PTPRD: variants seen among roughly 807,000 people sequenced by gnomAD.
The protein encoded by PTPRD is receptor-type tyrosine-protein phosphatase delta.
In PTPRD, 34 loss-of-function variants were observed where a neutral mutation model predicts 214.5. The ratio of observed to expected loss-of-function variants is 0.16; its 90% CI spans 0.12 to 0.21. PTPRD has a LOEUF of 0.21. Ranked by LOEUF, PTPRD falls within the 10% of genes least tolerant of loss-of-function variation. The probability of loss-of-function intolerance (pLI) is 1.00; values close to 1 mark genes in which losing one functional copy is unlikely to be tolerated. For synonymous variants in PTPRD, 1,128 were observed against 845.7 expected, an observed-to-expected ratio of 1.33 and a Z score of -5.79; for missense variants, 2,545 against 2,398.7, an observed-to-expected ratio of 1.06 and a Z score of -1.27.
chr9:8,682,335 G>A (rs66918943), intron 12 of PTPRD, among the ~76,000 whole-genome samples: 2,839 of 152,168 alleles, frequency 0.019, 33 homozygotes, highest in African/African-American at 0.03. Flanking sequence ...AACAACAGGA[G>A]TTCCCAGGGA....
chr9:8,330,057 GTGCAGTATCTGGGCCA>G (rs1203091046), intron 44 of PTPRD, among the ~76,000 whole-genome samples: 3 of 152,164 alleles, frequency 2.0e-5, no homozygotes, highest in Non-Finnish European at 4.4e-5. Flanking sequence ...TGCGGGAGAA[GTGCAGTATCTGGGCCA>G]GAGTGTACTG....
At position 9,989,070 on chromosome 9, in the gene PTPRD, C is replaced by CAAAG. The variant is rs1208923559; in HGVS notation, c.-472+44644_-472+44647dup. ...ACCACAGACTTTACACAGTTGCACC[C>CAAAG]AAAGAGTTGCTCTGGGGAGGAGTTA... On this transcript the variant is annotated intron_variant, in intron 4 of 45. Transcript: ENST00000381196. Among the ~76,000 whole-genome samples the CAAAG allele has an allele frequency of 2.1e-5, 3 of 145,968 alleles. No individual in the cohort carries two copies. In the East Asian group the frequency reaches 5.9e-4, roughly 29 times the overall value.
intron 9 of PTPRD, among the ~76,000 whole-genome samples, chr9:9,195,459 C>T (rs1300077646): frequency 6.6e-6 from 1 of 151,962 alleles, no homozygotes; most frequent in Non-Finnish European, 1.5e-5. Flanking sequence ...CGTAGTAAGC[C>T]AATGGGAAGA....
chr9:10,192,337 C>A (rs1188951487), intron 3 of PTPRD, among the ~76,000 whole-genome samples: 5 of 150,428 alleles, frequency 3.3e-5, no homozygotes, highest in Non-Finnish European at 1.5e-5. Flanking sequence ...TTGCCACACA[C>A]TTGGTAGCTT....
At chr9:10,599,042 A>G (rs1567144725) in intron 2 of PTPRD, among the ~76,000 whole-genome samples, 1 of 151,700 alleles carries the variant, frequency 6.6e-6, no homozygotes. Flanking sequence ...GCAACTGGGT[A>G]TGACCACTTA....
At chr9:10,020,426 C>G (rs562032479) in intron 4 of PTPRD, among the ~76,000 whole-genome samples, 2 of 143,876 alleles carry the variant, frequency 1.4e-5, no homozygotes, top group Non-Finnish European at 3.0e-5. Flanking sequence ...CTCAGCCTCC[C>G]GAGTAGCTGG....
intron 8 of PTPRD, among the ~76,000 whole-genome samples, chr9:9,502,350 T>A (rs1465192954): frequency 6.6e-6 from 1 of 151,894 alleles, no homozygotes; most frequent in Non-Finnish European, 1.5e-5. Flanking sequence ...ATTCTTCATA[T>A]AAGTGGGATC....
At position 9,520,264 on chromosome 9, in the gene PTPRD, G is replaced by GTT. The variant is rs202027876; in HGVS notation, c.-237+54466_-237+54467dup. ...TAAATGTAAAAATAGACTCCTAAAA[G>GTT]TTATATATATATATATATTAAGTTA... is the stretch of plus-strand genomic sequence containing the variant. On this transcript the variant is annotated intron_variant, in intron 8 of 45. Coordinates refer to ENST00000381196, the MANE Select transcript of PTPRD (RefSeq NM_002839.4). 7.1e-3 allele frequency among the ~76,000 whole-genome samples: 1,024 copies of GTT among 144,670 alleles called. 16 individuals are homozygous for GTT. Among genetic ancestry groups the GTT allele is most frequent in the African/African-American group, 0.024 (955 of 39,442 alleles). The allele number at this position is 144,670 out of a possible 152,430, so 94.9% of individuals were successfully genotyped here. A position where few individuals can be genotyped will look rare whatever the true frequency, so the allele number is the denominator to read the frequency against.
chr9:10,583,892 T>G (rs1017490977), intron 2 of PTPRD, among the ~76,000 whole-genome samples: 1 of 152,170 alleles, frequency 6.6e-6, no homozygotes, highest in Admixed American at 6.5e-5. Context: ...AGCACTGAGT[T>G]AATGTCTAGA....
intron 10 of PTPRD, among the ~76,000 whole-genome samples, chr9:9,031,340 G>C (rs2099604756): frequency 6.6e-6 from 1 of 151,986 alleles, no homozygotes; most frequent in Admixed American, 6.6e-5. Context: ...AGGCAATTCT[G>C]TTGTTGTGTG....
chr9:10,329,817 T>C (rs1471611351), intron 3 of PTPRD, among the ~76,000 whole-genome samples: 1 of 151,856 alleles, frequency 6.6e-6, no homozygotes. Flanking sequence ...AATGTGATAT[T>C]GTATACATGT....
chr9:8,419,044 C>G (rs532351210), intron 35 of PTPRD, among the ~76,000 whole-genome samples: 23 of 151,830 alleles, frequency 1.5e-4, no homozygotes, highest in African/African-American at 5.6e-4. Context: ...CATAGTGAGA[C>G]ATCGTTTCTA....
In PTPRD at chr9:8,319,959, C is replaced by G. The variant is rs745582718; in HGVS notation, c.5542G>C (p.Val1848Leu). The G allele has an allele frequency of 6.2e-7, 1 of 1,611,544 alleles. No individual in the cohort carries two copies. The highest frequency in any genetic ancestry group is 8.5e-7 in the Non-Finnish European group (1 of 1,178,904). Reference protein sequence around the residue: ...GPISVHCSAGVGRTGVFITLS... With the variant: ...GPISVHCSAGLGRTGVFITLS... ...GTTATGAAGACTCCAGTTCTTCCAA[C>G]GCCCGCGCTGCCACAATAACAAAGG... The change falls in exon 45 of 46, where the codon GTT becomes CTT. Residue 1848 changes from valine (V) to leucine (L), a missense_variant. Val to Leu is a conservative substitution (Grantham distance 32, BLOSUM62 1). Coordinates refer to ENST00000381196, the MANE Select transcript of PTPRD (RefSeq NM_002839.4).
At chr9:9,988,372 C>T (rs2095796179) in intron 4 of PTPRD, among the ~76,000 whole-genome samples, 1 of 152,140 alleles carries the variant, frequency 6.6e-6, no homozygotes, top group Admixed American at 6.5e-5. Flanking sequence ...ATTATGAATG[C>T]CAACTTTCCA....
chr9:9,459,484 T>G (rs1158440551), intron 8 of PTPRD, among the ~76,000 whole-genome samples: 1 of 152,146 alleles, frequency 6.6e-6, no homozygotes, highest in African/African-American at 2.4e-5. Context: ...CTCCTAGATC[T>G]GATAAATGAT....
Position 9,082,228 on chromosome 9 carries a change from A to G in PTPRD, c.-142-63493T>C, listed in dbSNP as rs557743371. Among the ~76,000 whole-genome samples, 505 of 152,252 alleles carry G rather than the reference A, an allele frequency of 3.3e-3. 3 individuals carry two copies. The highest frequency in any genetic ancestry group is 8.3e-3 in the South Asian group (40 of 4,818). ...CCTCAATAAAATACTGGCAAACCGA[A>G]TCCAGCAGCACATCAAAAAGCTTAT... On this transcript the variant is annotated intron_variant, in intron 10 of 45. Coordinates refer to ENST00000381196, the MANE Select transcript of PTPRD (RefSeq NM_002839.4).
intron 4 of PTPRD, among the ~76,000 whole-genome samples, chr9:9,947,528 A>G (rs1257190540): frequency 4.7e-5 from 1 of 21,376 alleles, no homozygotes; most frequent in Non-Finnish European, 7.0e-5. Flanking sequence ...TATATTATAT[A>G]TATTTTATAT....
chr9:8,802,032 G>A (rs891339745), intron 11 of PTPRD, among the ~76,000 whole-genome samples: 9 of 152,130 alleles, frequency 5.9e-5, no homozygotes, highest in Non-Finnish European at 8.8e-5. Flanking sequence ...ATTTATTATC[G>A]CCAATCTGAA....
chr9:9,542,826 G>A (rs2077914232), intron 8 of PTPRD, among the ~76,000 whole-genome samples: 1 of 151,614 alleles, frequency 6.6e-6, no homozygotes. Context: ...CAACCATGAG[G>A]AGCAACTGGA....
Sources: allele counts gnomAD v4.1 joint callset (sites outside exome capture counted in the v4.1 genomes callset), GRCh38; gene constraint gnomAD v4.1.1; transcripts MANE v1.5; gene names NCBI Gene and HGNC (gene_info 2026-07-23, HGNC 2026-07-21).